The following RGPD8 variants were observed in gnomAD, a reference collection of about 807,000 sequenced individuals.
RGPD8 encodes RANBP2-like and GRIP domain-containing protein 8.
A neutral mutation model predicts 89.1 loss-of-function variants in RGPD8; 15 were observed. That is an observed-to-expected ratio of 0.17 (90% CI 0.11 to 0.26). RGPD8 has a LOEUF of 0.26. RGPD8 is among the 10% of genes least tolerant of loss of function. The probability of loss-of-function intolerance (pLI) is 1.00; values close to 1 mark genes in which losing one functional copy is unlikely to be tolerated. For missense variants in RGPD8, 178 were observed against 1,179.6 expected (o/e 0.15, Z 12.44); for synonymous variants, 62 against 420.9 (o/e 0.15, Z 10.44).
chr2:112,426,211 G>A (rs1353645617), intron 1 of RGPD8, among the ~76,000 whole-genome samples: 6 of 152,104 alleles, frequency 3.9e-5, no homozygotes, highest in Non-Finnish European at 7.4e-5. Flanking sequence ...CGCTATTCTT[G>A]CTCTTTGGTG....
At chr2:112,426,741 A>T (rs1342139396) in intron 1 of RGPD8, among the ~76,000 whole-genome samples, 1 of 152,052 alleles carries the variant, frequency 6.6e-6, no homozygotes, top group Non-Finnish European at 1.5e-5. Context: ...CCGTCTCAAA[A>T]AAAAAAAGAA....
chr2:112,370,359 G>GGA (rs1249646916), intron 22 of RGPD8, 147 bp from the exon 23 acceptor site: 36 of 100,692 alleles, frequency 3.6e-4, no homozygotes, highest in African/African-American at 2.6e-3. Flanking sequence ...GGGGGGGGGG[G>GGA]TTCTTTTTTT....
chr2:112,375,176 T>C (rs2104761304), intron 22 of RGPD8, among the ~76,000 whole-genome samples: 1 of 99,620 alleles, frequency 1.0e-5, no homozygotes, highest in East Asian at 3.5e-4. Flanking sequence ...ATTCTCTCTC[T>C]TAAAGAGAGA....
At chr2:112,421,264 TG>T (rs1161723243) in intron 4 of RGPD8, among the ~76,000 whole-genome samples, 2 of 105,644 alleles carry the variant, frequency 1.9e-5, no homozygotes, top group Admixed American at 1.1e-4. Context: ...ACATATATGA[TG>T]GGGGTAGGAG....
chr2:112,426,652 C>T (rs1278051568), intron 1 of RGPD8, among the ~76,000 whole-genome samples: 2 of 150,012 alleles, frequency 1.3e-5, no homozygotes, highest in African/African-American at 4.9e-5. Flanking sequence ...AGGTGAGAGA[C>T]TTGTATGCTT....
chr2:112,413,178 T>C (rs1251799402), intron 6 of RGPD8, among the ~76,000 whole-genome samples: 2 of 145,048 alleles, frequency 1.4e-5, no homozygotes, highest in East Asian at 1.9e-4. Context: ...TGGAGTGCAA[T>C]GGCACGATCT....
chr2:112,415,272 C>T (rs1172629114), intron 6 of RGPD8, among the ~76,000 whole-genome samples: 14 of 152,290 alleles, frequency 9.2e-5, no homozygotes, highest in Non-Finnish European at 1.9e-4. Context: ...GTAGTCCCAG[C>T]TACTCAGGAG....
intron 18 of RGPD8, among the ~76,000 whole-genome samples, chr2:112,392,812 GT>G: frequency 8.0e-6 from 1 of 124,918 alleles, no homozygotes; most frequent in East Asian, 2.4e-4. Flanking sequence ...CAGAACTAAA[GT>G]AACATTTTAA....
In RGPD8 at chr2:112,390,143, C is replaced by T. The variant is rs1678639982; in HGVS notation, c.2802G>A (p.Lys934=). The change falls in exon 20 of 23, where the codon AAG becomes AAA. Residue 934 remains lysine, a synonymous_variant. Transcript: ENST00000302558. ...CATTTTCAAGAGGCTTTTCCCTTTTCTTTTCTTGATTTCCTGGTTCCGAAA... is the reference window on the plus strand; with the variant it reads ...CATTTTCAAGAGGCTTTTCCCTTTTTTTTTCTTGATTTCCTGGTTCCGAAA... The part of the protein sequence containing the change: ...FGISEPGNQE[K]KREKPLENDT... 1.2e-6 allele frequency: 2 copies of T among 1,602,720 alleles called. No individual in the cohort carries two copies. The highest frequency in any genetic ancestry group is 1.7e-6 in the Non-Finnish European group (2 of 1,175,656).
rs1449872185 is a variant in RGPD8 at position 112,431,804 on chromosome 2, CTTTATT to C, written c.72+1572_72+1577del. 9.2e-5 allele frequency among the ~76,000 whole-genome samples: 14 copies of C among 152,198 alleles called. No individual in the cohort carries two copies. The East Asian group carries it at 2.5e-3, about 27-fold the overall frequency. On this transcript the variant is annotated intron_variant, in intron 1 of 22. Coordinates refer to ENST00000302558, the MANE Select transcript of RGPD8 (RefSeq NM_001164463.1). ...GGCGTGCGCCACCACGTCCGGCTAA[CTTTATT>C]TGTATTTTTAGTAGAGACAAGGTTT...
At chr2:112,374,616 CT>C (rs71259112) in intron 22 of RGPD8, among the ~76,000 whole-genome samples, 10 of 109,534 alleles carry the variant, frequency 9.1e-5, no homozygotes, top group Middle Eastern at 4.3e-3. Context: ...TAGATTTCTT[CT>C]TTTTTTTTTA....
At chr2:112,375,111 C>T (rs1475327801) in intron 22 of RGPD8, among the ~76,000 whole-genome samples, 1 of 123,370 alleles carries the variant, frequency 8.1e-6, no homozygotes, top group Non-Finnish European at 1.7e-5. Flanking sequence ...GATCTACCCT[C>T]CTCGGCCTGC....
rs535387225 is a variant in RGPD8 at position 112,433,438 on chromosome 2, C to T, written c.16G>A (p.Ala6Thr). The T allele has an allele frequency of 2.0e-4, 325 of 1,608,894 alleles. No homozygotes were observed. Among genetic ancestry groups the T allele is most frequent in the South Asian group, 3.8e-4 (34 of 90,580 alleles). The change falls in exon 1 of 23, where the codon GCC (alanine) becomes ACC (threonine). Residue 6 changes from alanine (A) to threonine (T), a missense_variant. Ala to Thr is a moderately conservative substitution (Grantham distance 58, BLOSUM62 0). Transcript: ENST00000302558. Reference protein sequence around the residue: MRRSKADVERYVASVL... With the variant: MRRSKTDVERYVASVL... ...GAGGCGACGTACCGCTCCACATCGG[C>T]CTTGCTGCGCCTCATCGCGCCGCCA... is the stretch of plus-strand genomic sequence containing the variant.
intron 22 of RGPD8, among the ~76,000 whole-genome samples, chr2:112,370,697 T>C (rs1183157465): frequency 7.6e-6 from 1 of 131,794 alleles, no homozygotes; most frequent in Non-Finnish European, 1.6e-5. Context: ...ACACACTGCT[T>C]ACTAAATTTC....
chr2:112,423,789 T>G (rs2673118), intron 2 of RGPD8, among the ~76,000 whole-genome samples: 1 of 152,224 alleles, frequency 6.6e-6, no homozygotes, highest in Non-Finnish European at 1.5e-5. Flanking sequence ...CCAAGCTTCT[T>G]ATCCCTAGGA....
rs1278721726 is a variant in RGPD8 at position 112,387,523 on chromosome 2, G to A, written c.4921+501C>T. 1.9e-4 allele frequency among the ~76,000 whole-genome samples: 24 copies of A among 128,056 alleles called. No homozygotes were observed. The East Asian group carries it at 4.2e-3, about 22-fold the overall frequency. The allele number at this position is 128,056 out of a possible 152,430, so 84.0% of individuals were successfully genotyped here. ...ATTATAGGCACGCACCACCATGCCC[G>A]GCTCATTTTTGTATTTTCAGTAGAA... On this transcript the variant is annotated intron_variant, in intron 20 of 22. Transcript: ENST00000302558.
At chr2:112,387,350 TTG>T (rs1206898512) in intron 20 of RGPD8, among the ~76,000 whole-genome samples, 1 of 124,958 alleles carries the variant, frequency 8.0e-6, no homozygotes, top group Admixed American at 8.1e-5. Flanking sequence ...ATGTTTTTTT[TTG>T]TTTTTTGTTT....
At chr2:112,411,628 G>A (rs1278300922) in intron 7 of RGPD8, among the ~76,000 whole-genome samples, 4 of 45,076 alleles carry the variant, frequency 8.9e-5, no homozygotes, top group South Asian at 1.3e-3. Flanking sequence ...GCAGTGCCTC[G>A]CGCCTGTAAT....
chr2:112,374,858 CTTTTTT>C (rs780008775), intron 22 of RGPD8, among the ~76,000 whole-genome samples: 3 of 103,454 alleles, frequency 2.9e-5, no homozygotes, highest in Admixed American at 2.1e-4. Context: ...AGTTTACATT[CTTTTTT>C]TTTTTTTTTT....
Sources: allele counts gnomAD v4.1 joint callset (sites outside exome capture counted in the v4.1 genomes callset), GRCh38; gene constraint gnomAD v4.1.1; transcripts MANE v1.5; gene names NCBI Gene and HGNC (gene_info 2026-07-23, HGNC 2026-07-21).